The following OSBPL9 variants were observed in gnomAD, a reference collection of about 807,000 sequenced individuals.
The protein encoded by OSBPL9 is oxysterol-binding protein-related protein 9.
Under a neutral mutation model 106.6 loss-of-function variants are expected in OSBPL9, and 40 were observed. The ratio of observed to expected loss-of-function variants is 0.38; its 90% CI spans 0.29 to 0.49. The LOEUF (loss-of-function observed/expected upper bound fraction) is 0.49, where lower values mean the gene tolerates loss of function less well. Among genes scored for constraint, OSBPL9 ranks in the 20% least tolerant of loss-of-function variants. The pLI, the probability that OSBPL9 is intolerant of heterozygous loss-of-function variation, is 0.97. For missense variants in OSBPL9, 609 were observed against 887.2 expected (o/e 0.69, Z 3.98); for synonymous variants, 269 against 295.4 (o/e 0.91, Z 0.92).
chr1:51,618,240 A>C (rs1228150898), intron 1 of OSBPL9, among the ~76,000 whole-genome samples: 2 of 151,906 alleles, frequency 1.3e-5, no homozygotes, highest in Non-Finnish European at 2.9e-5. Context: ...GCTGGTCTTG[A>C]ACTCCTGACC....
intron 4 of OSBPL9, 37 bp downstream of exon 4, chr1:51,714,116 G>T: frequency 7.0e-7 from 1 of 1,437,528 alleles, no homozygotes; most frequent in South Asian, 1.3e-5. Flanking sequence ...TAGTTCATTA[G>T]TTGTTGCTTT....
intron 3 of OSBPL9, among the ~76,000 whole-genome samples, chr1:51,689,865 C>G (rs1654598233): frequency 6.6e-6 from 1 of 152,188 alleles, no homozygotes; most frequent in Non-Finnish European, 1.5e-5. Flanking sequence ...GTTACCATGT[C>G]CATTGGATTC....
intron 15 of OSBPL9, among the ~76,000 whole-genome samples, chr1:51,778,042 C>T (rs1675470707): frequency 6.6e-6 from 1 of 152,028 alleles, no homozygotes. Context: ...CCTGTAGTTC[C>T]AGCTACTTGG....
chr1:51,706,157 A>G (rs772642031), intron 3 of OSBPL9, among the ~76,000 whole-genome samples: 1 of 152,166 alleles, frequency 6.6e-6, no homozygotes, highest in Admixed American at 6.5e-5. Context: ...TTCCTTAAGA[A>G]TTCTCTGGTG....
At chr1:51,691,272 A>ATTTTTTTTTTT (rs1358388118) in intron 3 of OSBPL9, among the ~76,000 whole-genome samples, 1 of 145,540 alleles carries the variant, frequency 6.9e-6, no homozygotes, top group Non-Finnish European at 1.5e-5. Context: ...GCTTGCTGTA[A>ATTTTTTTTTTT]CTTTTTTTTT....
At chr1:51,786,656 C>T in intron 22 of OSBPL9, 39 bp downstream of exon 22, 2 of 1,551,050 alleles carry the variant, frequency 1.3e-6, no homozygotes, top group Non-Finnish European at 1.8e-6. Context: ...TGCTGCAGTG[C>T]TTAAACTTTG....
intron 4 of OSBPL9, among the ~76,000 whole-genome samples, chr1:51,715,792 C>T (rs1435319648): frequency 6.6e-6 from 1 of 152,186 alleles, no homozygotes; most frequent in Non-Finnish European, 1.5e-5. Context: ...GTGGCCTCCA[C>T]ATTCTTGTGT....
chr1:51,579,890 T>TAATAATAATAATAA (rs1399459530), intron 1 of OSBPL9, among the ~76,000 whole-genome samples: 1 of 116,296 alleles, frequency 8.6e-6, no homozygotes, highest in African/African-American at 4.3e-5. Flanking sequence ...TAATAATAAT[T>TAATAATAATAATAA]TAAACGTTCT....
chr1:51,731,773 C>A (rs1664499424), intron 4 of OSBPL9, among the ~76,000 whole-genome samples: 1 of 133,802 alleles, frequency 7.5e-6, no homozygotes, highest in Admixed American at 7.4e-5. Flanking sequence ...AAGAGTCTGT[C>A]TCAAAAAAAA....
the OSBPL9 span, among the ~76,000 whole-genome samples, chr1:51,550,032 T>A: frequency 5.3e-5 from 8 of 152,226 alleles, no homozygotes; most frequent in Non-Finnish European, 8.8e-5. Context: ...AAGTATAAAC[T>A]TCGAAACCAG....
chr1:51,684,011 A>T (rs1653202472), intron 3 of OSBPL9, among the ~76,000 whole-genome samples: 1 of 151,952 alleles, frequency 6.6e-6, no homozygotes, highest in Non-Finnish European at 1.5e-5. Flanking sequence ...TTATTTATTT[A>T]TTTATTTTTT....
upstream of OSBPL9, among the ~76,000 whole-genome samples, chr1:51,576,771 A>C (rs1645186519): frequency 6.6e-6 from 1 of 152,076 alleles, no homozygotes; most frequent in Admixed American, 6.6e-5. Flanking sequence ...AAGCGATCCT[A>C]CTTCCTTGGC....
At chr1:51,702,983 G>T (rs976433643) in intron 3 of OSBPL9, among the ~76,000 whole-genome samples, 2 of 152,124 alleles carry the variant, frequency 1.3e-5, no homozygotes, top group Non-Finnish European at 2.9e-5. Context: ...TGAGGGCTCT[G>T]TTCTGTTCCA....
At chr1:51,656,979 TA>T (rs1312047198) in intron 2 of OSBPL9, among the ~76,000 whole-genome samples, 2 of 152,216 alleles carry the variant, frequency 1.3e-5, no homozygotes, top group Non-Finnish European at 2.9e-5. Context: ...ATGCCTGGCC[TA>T]TTTTTTTACA....
At chr1:51,707,623 A>G in intron 3 of OSBPL9, 1 of 190,500 alleles carries the variant, frequency 5.2e-6, no homozygotes, top group South Asian at 1.2e-4. Flanking sequence ...TGTGGTTATG[A>G]GTCCCTCCAC....
At chr1:51,612,901 C>T (rs1643998387), upstream of OSBPL9, among the ~76,000 whole-genome samples, 1 of 152,168 alleles carries the variant, frequency 6.6e-6, no homozygotes, top group African/African-American at 2.4e-5. Flanking sequence ...AATTCTGGTT[C>T]TGCTGTTTAC....
chr1:51,558,211 C>T, the OSBPL9 span, among the ~76,000 whole-genome samples: 1 of 151,704 alleles, frequency 6.6e-6, no homozygotes, highest in Admixed American at 6.6e-5. Context: ...ACCCGGGAGG[C>T]GGAGCTTGCA....
chr1:51,575,260 G>A (rs907298144), upstream of OSBPL9, among the ~76,000 whole-genome samples: 1 of 152,090 alleles, frequency 6.6e-6, no homozygotes, highest in African/African-American at 2.4e-5. Context: ...GAGTGCAGTG[G>A]CCTGATCTCG....
intron 1 of OSBPL9, among the ~76,000 whole-genome samples, chr1:51,623,508 GGA>G (rs1272239366): frequency 1.3e-5 from 2 of 152,296 alleles, no homozygotes; most frequent in East Asian, 3.9e-4. Flanking sequence ...TATTGCTTTT[GGA>G]GAGAGGGTTA....
Sources: gnomAD v4.1 joint callset for allele counts (sites outside exome capture counted in the v4.1 genomes callset) on GRCh38, gnomAD v4.1.1 for gene constraint, MANE v1.5 for transcripts, NCBI Gene and HGNC (gene_info 2026-07-23, HGNC 2026-07-21) for gene names.